The following SSBP3 variants were observed in gnomAD, a reference collection of about 807,000 sequenced individuals.
SSBP3 encodes single-stranded DNA-binding protein 3.
Under a neutral mutation model 69.6 loss-of-function variants are expected in SSBP3, and 5 were observed. The ratio of observed to expected loss-of-function variants is 0.07; its 90% CI spans 0.04 to 0.15. The LOEUF (loss-of-function observed/expected upper bound fraction) is 0.15, where lower values mean the gene tolerates loss of function less well. Ranked by LOEUF, SSBP3 falls within the 10% of genes least tolerant of loss-of-function variation. SSBP3 has a pLI of 1.00. For synonymous variants in SSBP3, 196 were observed against 193.4 expected (o/e 1.01, Z -0.11); for missense variants, 312 against 534.0 (o/e 0.58, Z 4.10).
chr1:54,387,091 C>T (rs1648143075), intron 4 of SSBP3, among the ~76,000 whole-genome samples: 1 of 152,184 alleles, frequency 6.6e-6, no homozygotes, highest in South Asian at 2.1e-4. Context: ...TCCTGGGATG[C>T]CAGTGTATGA....
At chr1:54,391,346 C>A (rs1648481151) in intron 4 of SSBP3, among the ~76,000 whole-genome samples, 1 of 152,116 alleles carries the variant, frequency 6.6e-6, no homozygotes, top group Non-Finnish European at 1.5e-5. Flanking sequence ...AGATCTTGTA[C>A]CTTGGTCATC....
At chr1:54,243,463 A>G in intron 9 of SSBP3, 164 bp from the exon 10 acceptor site, 1 of 775,292 alleles carries the variant, frequency 1.3e-6, no homozygotes, top group South Asian at 1.6e-5. Context: ...GGTGGGAACC[A>G]AGTCACAGGG....
At chr1:54,238,494 C>T in intron 14 of SSBP3, 2 of 372,394 alleles carry the variant, frequency 5.4e-6, no homozygotes, top group Non-Finnish European at 1.1e-5. Flanking sequence ...CGGGCAACGC[C>T]CCCTGGGTGA....
At chr1:54,261,479 G>A (rs909549236) in intron 5 of SSBP3, among the ~76,000 whole-genome samples, 2 of 152,206 alleles carry the variant, frequency 1.3e-5, no homozygotes, top group African/African-American at 4.8e-5. Flanking sequence ...GTGGGACGGG[G>A]GCCGCTCTCT....
intron 4 of SSBP3, among the ~76,000 whole-genome samples, chr1:54,352,279 A>AG (rs1447329139): frequency 6.6e-6 from 1 of 152,022 alleles, no homozygotes; most frequent in Non-Finnish European, 1.5e-5. Context: ...AAGGTGCCTT[A>AG]GGAAGCTTGA....
chr1:54,334,314 T>G (rs1453316717), intron 4 of SSBP3, among the ~76,000 whole-genome samples: 2 of 152,042 alleles, frequency 1.3e-5, no homozygotes, highest in Non-Finnish European at 2.9e-5. Flanking sequence ...ATTGGGCCAC[T>G]GCACTCCAGC....
At chr1:54,406,739 GC>G (rs200428200), upstream of SSBP3, among the ~76,000 whole-genome samples, 283 of 152,104 alleles carry the variant, frequency 1.9e-3, no homozygotes, top group Non-Finnish European at 3.1e-3. Context: ...CCACTGGGGG[GC>G]TAGGGGGGCG....
intron 4 of SSBP3, among the ~76,000 whole-genome samples, chr1:54,329,332 C>G (rs938635018): frequency 2.0e-5 from 3 of 152,192 alleles, no homozygotes; most frequent in Non-Finnish European, 4.4e-5. Flanking sequence ...CTGCAAAAAG[C>G]TGAATCTTAA....
At chr1:54,367,516 ACTG>A (rs781328621) in intron 4 of SSBP3, among the ~76,000 whole-genome samples, 22 of 152,218 alleles carry the variant, frequency 1.4e-4, no homozygotes, top group Non-Finnish European at 2.8e-4. Context: ...TACAGGGCCC[ACTG>A]CTCAAGCAGT....
chr1:54,353,599 TC>T (rs1035744734), intron 4 of SSBP3, among the ~76,000 whole-genome samples: 18 of 152,060 alleles, frequency 1.2e-4, no homozygotes, highest in Non-Finnish European at 2.5e-4. Context: ...CATTGTCAGA[TC>T]CCAATTCTGG....
chr1:54,359,293 G>A (rs1646916953), intron 4 of SSBP3, among the ~76,000 whole-genome samples: 1 of 151,202 alleles, frequency 6.6e-6, no homozygotes. Context: ...GATTATAGCT[G>A]CTCTGTCTAA....
intron 4 of SSBP3, among the ~76,000 whole-genome samples, chr1:54,338,187 C>G (rs181967349): frequency 1.3e-5 from 2 of 152,356 alleles, no homozygotes; most frequent in East Asian, 1.9e-4. Context: ...AGGTGTCCCT[C>G]TCCTGTGTTC....
chr1:54,345,776 C>A (rs1466830039), intron 4 of SSBP3, among the ~76,000 whole-genome samples: 1 of 151,760 alleles, frequency 6.6e-6, no homozygotes, highest in Admixed American at 6.6e-5. Flanking sequence ...GAGGCTGAGG[C>A]GGGCAGATTG....
chr1:54,289,020 C>CAAAAA lies in SSBP3; in HGVS notation c.277-7498_277-7494dup, dbSNP rs777871964. Reference sequence around the variant, plus strand: ...GGGCGACAGAGCTAGACTCTGTCTCCAAAAAAAAAAAAAAAACAAAAAAAC... The same window carrying CAAAAA: ...GGGCGACAGAGCTAGACTCTGTCTCCAAAAAAAAAAAAAAAAAAAAACAAAAAAAC... On this transcript the variant is annotated intron_variant, in intron 4 of 17. Coordinates refer to ENST00000610401, the Ensembl canonical transcript of SSBP3. Among the ~76,000 whole-genome samples the CAAAAA allele has an allele frequency of 1.2e-3, 52 of 43,894 alleles. 5 individuals are homozygous for CAAAAA. The East Asian group carries it at 0.016, about 14-fold the overall frequency. 28.8% of individuals were successfully genotyped at this position (43,894 alleles called of 152,430 possible). A position where few individuals can be genotyped will look rare whatever the true frequency, so the allele number is the denominator to read the frequency against.
chr1:54,251,576 G>C (rs371390365), intron 9 of SSBP3, 40 bp downstream of exon 9: 3 of 1,544,222 alleles, frequency 1.9e-6, no homozygotes, highest in Non-Finnish European at 1.8e-6. Flanking sequence ...GGTGCACACA[G>C]ATGGCCAGGG....
chr1:54,297,468 TA>T (rs1172903312), intron 4 of SSBP3, among the ~76,000 whole-genome samples: 1 of 152,070 alleles, frequency 6.6e-6, no homozygotes, highest in Non-Finnish European at 1.5e-5. Flanking sequence ...CCCTCTCTAC[TA>T]AAAATACAAA....
chr1:54,292,779 G>A (rs1444738509), intron 4 of SSBP3, among the ~76,000 whole-genome samples: 3 of 152,096 alleles, frequency 2.0e-5, no homozygotes, highest in Non-Finnish European at 2.9e-5. Context: ...ATGTACATGT[G>A]TCTGTCTCTG....
intron 4 of SSBP3, among the ~76,000 whole-genome samples, chr1:54,385,465 A>C (rs1166265257): frequency 9.9e-5 from 15 of 151,988 alleles, no homozygotes; most frequent in Admixed American, 9.8e-4. Context: ...CTTCCCTTCT[A>C]TCTACCACTG....
intron 5 of SSBP3, among the ~76,000 whole-genome samples, chr1:54,263,993 A>C (rs115753716): frequency 0.011 from 1,701 of 152,156 alleles, 20 homozygotes; most frequent in African/African-American, 0.024. Context: ...AAACCAAAAC[A>C]AAAACAAAAA....
Sources: gnomAD v4.1 joint callset for allele counts (sites outside exome capture counted in the v4.1 genomes callset) on GRCh38, gnomAD v4.1.1 for gene constraint, MANE v1.5 for transcripts, NCBI Gene and HGNC (gene_info 2026-07-23, HGNC 2026-07-21) for gene names.